The following LARP1B variants were observed in gnomAD, a reference collection of about 807,000 sequenced individuals.
The protein encoded by LARP1B is la-related protein 1B.
LARP1B carries 76 observed loss-of-function variants against 114.2 expected under a neutral mutation model. The observed-to-expected ratio is 0.67, with a 90% CI of 0.55 to 0.81. LARP1B has a LOEUF of 0.81. Among genes scored for constraint, LARP1B ranks in the 30% least tolerant of loss-of-function variants. The pLI, the probability that LARP1B is intolerant of heterozygous loss-of-function variation, is 0.00. For missense variants in LARP1B, 1,014 were observed against 1,075.8 expected (o/e 0.94, Z 0.80); for synonymous variants, 345 against 348.0 (o/e 0.99, Z 0.10).
chr4:128,093,217 C>T (rs1007363301), intron 7 of LARP1B, among the ~76,000 whole-genome samples: 1 of 152,082 alleles, frequency 6.6e-6, no homozygotes, highest in African/African-American at 2.4e-5. Flanking sequence ...TTGAAGGAGT[C>T]GTGCTTTTTA....
intron 11 of LARP1B, chr4:128,123,104 T>C: frequency 2.0e-6 from 2 of 985,408 alleles, no homozygotes; most frequent in Non-Finnish European, 1.2e-6. Flanking sequence ...TGCCTGTCGG[T>C]GGGGCTTCAT....
intron 8 of LARP1B, among the ~76,000 whole-genome samples, chr4:128,103,575 T>TG (rs1229040478): frequency 2.0e-5 from 3 of 150,388 alleles, no homozygotes; most frequent in Non-Finnish European, 4.4e-5. Flanking sequence ...TTTTTTTTTT[T>TG]TTTTTGAGAC....
intron 15 of LARP1B, among the ~76,000 whole-genome samples, chr4:128,186,337 A>C (rs537500221): frequency 2.0e-5 from 3 of 152,048 alleles, no homozygotes; most frequent in Admixed American, 2.0e-4. Context: ...TGACCTCTTT[A>C]ATTTCTTTCA....
At chr4:128,142,902 G>A (rs1728677431) in intron 11 of LARP1B, among the ~76,000 whole-genome samples, 1 of 152,066 alleles carries the variant, frequency 6.6e-6, no homozygotes, top group African/African-American at 2.4e-5. Context: ...CATGGACAAC[G>A]TGAGCTCTCA....
intron 6 of LARP1B, 48 bp from the exon 7 acceptor site, chr4:128,091,299 T>A (rs1775835926): frequency 6.5e-7 from 1 of 1,544,328 alleles, no homozygotes; most frequent in South Asian, 1.2e-5. Flanking sequence ...GTAGTAACTA[T>A]TTTTTTCTAA....
chr4:128,090,944 A>T, intron 5 of LARP1B, 57 bp from the exon 6 acceptor site: 1 of 1,327,496 alleles, frequency 7.5e-7, no homozygotes, highest in South Asian at 1.4e-5. Context: ...CATAAAGACA[A>T]TCATGTTATT....
At chr4:128,085,125 A>G (rs1044365856) in intron 5 of LARP1B, among the ~76,000 whole-genome samples, 1 of 152,086 alleles carries the variant, frequency 6.6e-6, no homozygotes, top group African/African-American at 2.4e-5. Flanking sequence ...CGATGTCCCA[A>G]AGTGCTGGGT....
chr4:128,152,570 T>A (rs1561424497), intron 11 of LARP1B, among the ~76,000 whole-genome samples: 1 of 151,848 alleles, frequency 6.6e-6, no homozygotes, highest in Non-Finnish European at 1.5e-5. Flanking sequence ...TTTTTATTTT[T>A]ATTTTTTTAT....
intron 8 of LARP1B, among the ~76,000 whole-genome samples, chr4:128,098,768 T>TATATATATATA (rs58280279): frequency 2.0e-3 from 38 of 18,824 alleles, no homozygotes; most frequent in East Asian, 4.4e-3. Flanking sequence ...TATATATATA[T>TATATATATATA]TTTTTTTTTT....
intron 10 of LARP1B, among the ~76,000 whole-genome samples, chr4:128,117,585 T>C (rs924108240): frequency 2.0e-5 from 3 of 151,932 alleles, no homozygotes; most frequent in African/African-American, 7.3e-5. Flanking sequence ...GGTTTCACCA[T>C]GTTGGCCAGG....
At chr4:128,167,184 A>G (rs1196041180) in intron 12 of LARP1B, among the ~76,000 whole-genome samples, 1 of 151,800 alleles carries the variant, frequency 6.6e-6, no homozygotes, top group Non-Finnish European at 1.5e-5. Flanking sequence ...GAGTGCAGAT[A>G]GATATCTTTC....
At position 128,083,023 on chromosome 4, in the gene LARP1B, C is replaced by G. The variant is rs573570720; in HGVS notation, c.358+718C>G. Among the ~76,000 whole-genome samples, 4 of 151,918 alleles carry G rather than the reference C, an allele frequency of 2.6e-5. No individual in the cohort carries two copies. In the East Asian group the frequency reaches 5.8e-4, roughly 22 times the overall value. On this transcript the variant is annotated intron_variant, in intron 5 of 19. Coordinates refer to ENST00000326639, the MANE Select transcript of LARP1B (RefSeq NM_018078.4). The stretch of plus-strand genomic sequence containing the variant: ...ATTAGGGAGTGGTGATGATTCTTAA[C>G]GAGCATGCTGCCTTCAAGCATCTGT...
At chr4:128,099,449 G>T (rs916407513) in intron 8 of LARP1B, among the ~76,000 whole-genome samples, 1 of 151,884 alleles carries the variant, frequency 6.6e-6, no homozygotes, top group African/African-American at 2.4e-5. Context: ...ACCATACCCA[G>T]CTAATTTTTG....
chr4:128,072,157 G>T (rs1305357435), intron 1 of LARP1B, among the ~76,000 whole-genome samples: 1 of 151,780 alleles, frequency 6.6e-6, no homozygotes, highest in African/African-American at 2.4e-5. Flanking sequence ...CCGCTGCTAT[G>T]CCTGGCTAAT....
At chr4:128,091,678 C>T (rs531772205) in intron 7 of LARP1B, among the ~76,000 whole-genome samples, 166 bp downstream of exon 7, 1 of 151,818 alleles carries the variant, frequency 6.6e-6, no homozygotes, top group South Asian at 2.1e-4. Flanking sequence ...CTCACTGCAA[C>T]CTCTGCCTCC....
At chr4:128,142,038 A>G (rs1407618841) in intron 11 of LARP1B, among the ~76,000 whole-genome samples, 1 of 152,222 alleles carries the variant, frequency 6.6e-6, no homozygotes, top group African/African-American at 2.4e-5. Context: ...GACAGAAACA[A>G]TAGCTTCATA....
intron 11 of LARP1B, among the ~76,000 whole-genome samples, chr4:128,150,975 T>C (rs949126860): frequency 6.6e-6 from 1 of 152,204 alleles, no homozygotes; most frequent in Non-Finnish European, 1.5e-5. Flanking sequence ...TGCCATTTTC[T>C]CACTTAATGT....
chr4:128,122,217 C>G, intron 11 of LARP1B, 29 bp downstream of exon 11: 2 of 1,606,112 alleles, frequency 1.2e-6, no homozygotes, highest in Non-Finnish European at 1.7e-6. Context: ...CATCTTTCTA[C>G]TGATGCTTTG....
Position 128,178,392 on chromosome 4 carries a change from C to G in LARP1B, c.1685-39C>G, listed in dbSNP as rs201339092. The G allele has an allele frequency of 4.3e-6, 6 of 1,399,742 alleles. No homozygotes were observed. In the South Asian group the frequency reaches 7.5e-5, roughly 17 times the overall value. The allele number at this position is 1,399,742 out of a possible 1,614,324, so 86.7% of individuals were successfully genotyped here. ...CTTATTCTCAAAGTAAAATATTTTC[C>G]TAGCATCTAAATAATTTTAAGAGTT... On this transcript the variant is annotated intron_variant, in intron 13 of 19. Transcript: ENST00000326639.
Sources: gnomAD v4.1 joint callset for allele counts (sites outside exome capture counted in the v4.1 genomes callset) on GRCh38, gnomAD v4.1.1 for gene constraint, MANE v1.5 for transcripts, NCBI Gene and HGNC (gene_info 2026-07-23, HGNC 2026-07-21) for gene names.